The following TPP2 variants were observed in gnomAD, a reference collection of about 807,000 sequenced individuals.
TPP2 encodes the protein tripeptidyl peptidase 2.
In TPP2, 34 loss-of-function variants were observed where a neutral mutation model predicts 155.9. That is an observed-to-expected ratio of 0.22 (90% CI 0.17 to 0.29). The LOEUF is 0.29. Ranked by LOEUF, TPP2 falls within the 10% of genes least tolerant of loss-of-function variation. The pLI, the probability that TPP2 is intolerant of heterozygous loss-of-function variation, is 1.00. For missense variants in TPP2, 1,028 were observed against 1,522.3 expected (o/e 0.68, Z 5.40); for synonymous variants, 510 against 529.4 (o/e 0.96, Z 0.50).
chr13:102,631,587 G>A (rs1250554866), intron 10 of TPP2: 1 of 152,186 alleles, frequency 6.6e-6, no homozygotes, highest in Non-Finnish European at 1.5e-5. Flanking sequence ...CAAAGTATTA[G>A]AGAATGTTTA....
intron 16 of TPP2, 127 bp from the exon 17 acceptor site, chr13:102,643,095 A>G: frequency 1.3e-6 from 1 of 781,378 alleles, no homozygotes; most frequent in South Asian, 3.7e-5. Flanking sequence ...TTGAGTGTAC[A>G]TTTTATTTTT....
rs1595184475 is a variant in TPP2 at position 102,646,381 on chromosome 13, C to G, written c.2481C>G (p.Asn827Lys). The G allele has an allele frequency of 1.9e-6, 3 of 1,611,586 alleles. No individual in the cohort carries two copies. The highest frequency in any genetic ancestry group is 2.5e-6 in the Non-Finnish European group (3 of 1,178,966). ...RQLYEMVLTYNFHQPKSGEVT... is the reference protein window; with the variant it reads ...RQLYEMVLTYKFHQPKSGEVT... ...TTTATGAGATGGTCCTGACATATAA[C>G]TTTCATCAAGTAAGTGTTTGCCTAG... Residue 827 changes from asparagine (N) to lysine (K), a missense_variant, in exon 20 of 30, where the codon AAC (asparagine) becomes AAG (lysine). Asn to Lys is a moderately conservative substitution (Grantham distance 94). Transcript: ENST00000376052.
At chr13:102,647,853 G>GA (rs774047303) in intron 21 of TPP2, among the ~76,000 whole-genome samples, 7 of 152,086 alleles carry the variant, frequency 4.6e-5, no homozygotes, top group Non-Finnish European at 7.4e-5. Context: ...TTATTGAAGG[G>GA]AAAAATCACA....
intron 25 of TPP2, among the ~76,000 whole-genome samples, chr13:102,661,969 T>C (rs1280868437): frequency 1.3e-5 from 2 of 152,214 alleles, no homozygotes; most frequent in Non-Finnish European, 2.9e-5. Context: ...CAAAAACATG[T>C]TGATGACAGT....
At chr13:102,603,112 A>T (rs1015546239) in intron 1 of TPP2, among the ~76,000 whole-genome samples, 4 of 152,212 alleles carry the variant, frequency 2.6e-5, no homozygotes, top group Non-Finnish European at 5.9e-5. Context: ...TTATGGCTCA[A>T]ATGAAAATTT....
intron 27 of TPP2, among the ~76,000 whole-genome samples, chr13:102,668,078 G>A (rs1465457617): frequency 6.6e-6 from 1 of 152,196 alleles, no homozygotes; most frequent in Admixed American, 6.5e-5. Context: ...AATGATCAAA[G>A]GTTGGTTTTT....
At chr13:102,653,265 A>T (rs593487) in intron 24 of TPP2, among the ~76,000 whole-genome samples, 72,926 of 152,014 alleles carry the variant, frequency 0.48, 17,698 homozygotes, top group African/African-American at 0.54. Context: ...TTTCCGGTTG[A>T]TTAAGATAAA....
chr13:102,605,044 A>G, intron 2 of TPP2, 123 bp downstream of exon 2: 2 of 1,408,488 alleles, frequency 1.4e-6, no homozygotes, highest in South Asian at 1.3e-5. Flanking sequence ...AGATTACCTC[A>G]GAACATCCTG....
At position 102,622,999 on chromosome 13, in the gene TPP2, T is replaced by C. The variant is rs1256633937; in HGVS notation, c.743T>C (p.Ile248Thr). Residue 248 changes from isoleucine to threonine, a missense_variant, in exon 6 of 30, where the codon ATA (isoleucine) becomes ACA (threonine). Ile to Thr is a moderately conservative substitution (Grantham distance 89). Transcript: ENST00000376052. ...TAEMLNYSVN[I>T]YDDGNLLSIV... is the part of the protein sequence containing the mutation. ...GAGATGTTGAATTACTCCGTTAATA[T>C]ATACGATGATGGAAACCTGCTCTCC... 1.2e-6 allele frequency: 2 copies of C among 1,613,840 alleles called. No individual in the cohort carries two copies. Among genetic ancestry groups the C allele is most frequent in the Non-Finnish European group, 1.7e-6 (2 of 1,179,960 alleles).
At chr13:102,657,427 C>T (rs118037731) in intron 25 of TPP2, among the ~76,000 whole-genome samples, 6,040 of 151,428 alleles carry the variant, frequency 0.04, 180 homozygotes, top group Non-Finnish European at 0.058. Flanking sequence ...TTATTTTAAT[C>T]ACTCTAATTT....
intron 27 of TPP2, among the ~76,000 whole-genome samples, chr13:102,672,240 C>T (rs1042655251): frequency 5.3e-5 from 8 of 152,172 alleles, no homozygotes; most frequent in Non-Finnish European, 1.0e-4. Flanking sequence ...GCCAGTGATG[C>T]TCGCATTTAT....
intron 1 of TPP2, among the ~76,000 whole-genome samples, chr13:102,598,635 A>G (rs1412401934): frequency 1.3e-5 from 2 of 152,172 alleles, no homozygotes; most frequent in African/African-American, 4.8e-5. Context: ...TCAGCTGTGG[A>G]GTGTGTTTAC....
intron 25 of TPP2, among the ~76,000 whole-genome samples, chr13:102,657,409 T>C (rs1757514551): frequency 6.6e-6 from 1 of 151,882 alleles, no homozygotes; most frequent in Middle Eastern, 3.4e-3. Context: ...GATTAAATGT[T>C]TTAATTTTTA....
At chr13:102,600,165 C>G (rs1879315921) in intron 1 of TPP2, among the ~76,000 whole-genome samples, 1 of 152,090 alleles carries the variant, frequency 6.6e-6, no homozygotes, top group African/African-American at 2.4e-5. Flanking sequence ...GTCCATAGCC[C>G]CTTCATCCCC....
intron 27 of TPP2, among the ~76,000 whole-genome samples, chr13:102,673,127 T>C (rs1245300432): frequency 1.3e-5 from 2 of 152,130 alleles, no homozygotes; most frequent in African/African-American, 2.4e-5. Context: ...GCAGCGGCAT[T>C]TTCTATGGTA....
In TPP2 at chr13:102,635,587, G is replaced by T. The variant is rs766747183; in HGVS notation, c.1394G>T (p.Gly465Val). 4 of 1,610,162 alleles carry T rather than the reference G, an allele frequency of 2.5e-6. No individual in the cohort carries two copies. The highest frequency in any genetic ancestry group is 2.2e-5 in the East Asian group (1 of 44,816). ...ACTTGTTTTTGTTTCTTAATTTTAG[G>T]TCTGAAAGCTAATAACATTGACTAC... ...ACGGIALILS[G>V]LKANNIDYTV... Residue 465 changes from glycine (G) to valine (V), a missense_variant and splice_region_variant, in exon 12 of 30, where the codon GGT becomes GTT. Transcript: ENST00000376052.
In TPP2 at chr13:102,640,320, A is replaced by G; in HGVS notation, c.1964A>G (p.Lys655Arg). The G allele has an allele frequency of 6.2e-7, 1 of 1,613,692 alleles. No individual in the cohort carries two copies. The highest frequency in any genetic ancestry group is 8.5e-7 in the Non-Finnish European group (1 of 1,179,730). ...YDLAFTDVHF[K>R]PGQIRRHFIE... ...CTAGCCTTTACAGATGTACACTTTAAACCTGGTCAAATTCGAAGGCATTTT... is the reference window on the plus strand; with the variant it reads ...CTAGCCTTTACAGATGTACACTTTAGACCTGGTCAAATTCGAAGGCATTTT... The change falls in exon 16 of 30, where the codon AAA (lysine) becomes AGA (arginine). Residue 655 changes from lysine (K) to arginine (R), a missense_variant. Lys to Arg is a conservative substitution (Grantham distance 26, BLOSUM62 2). This residue lies in a region of TPP2 where 325 missense variants were observed against 463.7 expected (regional missense o/e 0.70). Coordinates refer to ENST00000376052, the MANE Select transcript of TPP2 (RefSeq NM_001330588.2).
intron 27 of TPP2, among the ~76,000 whole-genome samples, chr13:102,668,328 T>C (rs584194): frequency 0.66 from 100,444 of 151,522 alleles, 33,465 homozygotes; most frequent in Middle Eastern, 0.7. Flanking sequence ...TACCTACCAC[T>C]CTGACCAATT....
At position 102,638,295 on chromosome 13, in the gene TPP2, C is replaced by T; in HGVS notation, c.1893C>T (p.Ile631=). Residue 631 remains isoleucine (I), a synonymous_variant, in exon 15 of 30, where the codon ATC becomes ATT. Coordinates refer to ENST00000376052, the MANE Select transcript of TPP2 (RefSeq NM_001330588.2). ...PNAGPLFRVP[I]TAVIAAKVNE... ...CAGGTCCGCTCTTCAGAGTTCCGAT[C>T]ACTGCAGTTATAGCAGCAAAGTAAG... is the stretch of plus-strand genomic sequence containing the variant. The T allele has an allele frequency of 6.2e-7, 1 of 1,612,964 alleles. No homozygotes were observed. The highest frequency in any genetic ancestry group is 8.5e-7 in the Non-Finnish European group (1 of 1,179,946).
Sources: gnomAD v4.1 joint callset for allele counts (sites outside exome capture counted in the v4.1 genomes callset) on GRCh38, gnomAD v4.1.1 for gene constraint, gnomAD v4.1.1 regional missense constraint, MANE v1.5 for transcripts, NCBI Gene and HGNC (gene_info 2026-07-23, HGNC 2026-07-21) for gene names.